MECOM: variants seen among roughly 807,000 people sequenced by gnomAD.
The protein encoded by MECOM is MDS1 and EVI1 complex locus.
In MECOM, 13 loss-of-function variants were observed where a neutral mutation model predicts 116.3. The observed-to-expected ratio is 0.11, with a 90% CI of 0.07 to 0.18. MECOM has a LOEUF of 0.18. Among genes scored for constraint, MECOM ranks in the 10% least tolerant of loss-of-function variants. MECOM has a pLI of 1.00. For missense variants in MECOM, 1,299 were observed against 1,509.0 expected (o/e 0.86, Z 2.31); for synonymous variants, 528 against 535.2 (o/e 0.99, Z 0.19).
chr3:169,556,153 C>A (rs1762005421), intron 1 of MECOM, among the ~76,000 whole-genome samples: 1 of 152,134 alleles, frequency 6.6e-6, no homozygotes, highest in African/African-American at 2.4e-5. Context: ...TAGTCTTTTC[C>A]CCTTGTAACT....
chr3:169,409,093 G>A (rs529619951), intron 1 of MECOM, among the ~76,000 whole-genome samples: 37 of 152,240 alleles, frequency 2.4e-4, no homozygotes, highest in Non-Finnish European at 4.1e-4. Context: ...CCATAGCTCT[G>A]CAACAGTGAG....
At chr3:169,398,072 T>A (rs1289362470) in intron 1 of MECOM, among the ~76,000 whole-genome samples, 1 of 152,216 alleles carries the variant, frequency 6.6e-6, no homozygotes, top group Non-Finnish European at 1.5e-5. Context: ...TGAGCTTTGA[T>A]AAATGATATT....
intron 1 of MECOM, among the ~76,000 whole-genome samples, chr3:169,391,784 A>G (rs747524827): frequency 3.3e-5 from 5 of 152,138 alleles, no homozygotes; most frequent in African/African-American, 1.2e-4. Flanking sequence ...CAAACTATGT[A>G]TGGTCTCTGG....
At chr3:169,290,331 T>A (rs909465602) in intron 2 of MECOM, among the ~76,000 whole-genome samples, 4 of 152,320 alleles carry the variant, frequency 2.6e-5, no homozygotes, top group African/African-American at 2.4e-5. Context: ...AATCATTTTT[T>A]AAAAAGTCAA....
chr3:169,631,457 T>A (rs957520161), intron 1 of MECOM, among the ~76,000 whole-genome samples: 1 of 152,194 alleles, frequency 6.6e-6, no homozygotes, highest in African/African-American at 2.4e-5. Context: ...AAATTTTTTT[T>A]ATTTTACTTT....
intron 2 of MECOM, among the ~76,000 whole-genome samples, chr3:169,336,635 C>T (rs890656898): frequency 6.6e-5 from 10 of 151,912 alleles, no homozygotes; most frequent in African/African-American, 1.5e-4. Context: ...CAGCCATTTC[C>T]GTTTATTGCT....
chr3:169,180,998 T>C (rs1162987929), intron 2 of MECOM, among the ~76,000 whole-genome samples: 1 of 151,974 alleles, frequency 6.6e-6, no homozygotes, highest in Non-Finnish European at 1.5e-5. Context: ...TGCTGTAACT[T>C]TGCTGAGCTC....
intron 14 of MECOM, among the ~76,000 whole-genome samples, chr3:169,091,108 A>G (rs1045568473): frequency 6.6e-6 from 1 of 152,116 alleles, no homozygotes; most frequent in African/African-American, 2.4e-5. Context: ...AATGGTGAAA[A>G]CATCTTTTGC....
At chr3:169,385,095 C>A (rs1172718121) in intron 1 of MECOM, among the ~76,000 whole-genome samples, 1 of 143,126 alleles carries the variant, frequency 7.0e-6, no homozygotes, top group Non-Finnish European at 1.5e-5. Context: ...CAGAGTAAGA[C>A]CCTGTCTCAA....
At chr3:169,465,033 T>G (rs1439328736) in intron 1 of MECOM, among the ~76,000 whole-genome samples, 1 of 152,170 alleles carries the variant, frequency 6.6e-6, no homozygotes, top group African/African-American at 2.4e-5. Context: ...TTAAAAATCT[T>G]ACAATGAATA....
chr3:169,251,414 G>T (rs978050016), intron 2 of MECOM, among the ~76,000 whole-genome samples: 7 of 152,112 alleles, frequency 4.6e-5, no homozygotes, highest in Admixed American at 2.0e-4. Context: ...TTGCTAGGGG[G>T]TTTATCAAAT....
At chr3:169,360,474 CAGA>C (rs1473944159) in intron 2 of MECOM, among the ~76,000 whole-genome samples, 1 of 151,500 alleles carries the variant, frequency 6.6e-6, no homozygotes, top group Non-Finnish European at 1.5e-5. Flanking sequence ...AATTTCTGCC[CAGA>C]AAGTCCCAGG....
intron 2 of MECOM, among the ~76,000 whole-genome samples, chr3:169,343,053 G>T (rs1724804001): frequency 6.6e-6 from 1 of 152,122 alleles, no homozygotes. Context: ...TTAACAGAGG[G>T]AAACGGGTAT....
At chr3:169,504,213 A>G (rs1754926472) in intron 1 of MECOM, among the ~76,000 whole-genome samples, 1 of 142,982 alleles carries the variant, frequency 7.0e-6, no homozygotes, top group Non-Finnish European at 1.5e-5. Flanking sequence ...TGGCTGCACA[A>G]CCTAATGGAG....
At chr3:169,439,176 A>C (rs967591882) in intron 1 of MECOM, among the ~76,000 whole-genome samples, 58 of 146,958 alleles carry the variant, frequency 3.9e-4, no homozygotes, top group African/African-American at 1.3e-3. Context: ...AGTATCCAGA[A>C]TATATTAGTA....
intron 2 of MECOM, among the ~76,000 whole-genome samples, chr3:169,365,020 C>G (rs761057207): frequency 2.0e-5 from 3 of 151,918 alleles, no homozygotes; most frequent in Non-Finnish European, 4.4e-5. Flanking sequence ...AATGATAATT[C>G]TTTTTCTTCT....
At chr3:169,431,683 C>A (rs1373818524) in intron 1 of MECOM, among the ~76,000 whole-genome samples, 1 of 152,166 alleles carries the variant, frequency 6.6e-6, no homozygotes, top group Non-Finnish European at 1.5e-5. Context: ...GACTGGTCTG[C>A]CACAAATCCT....
chr3:169,494,792 G>C (rs1018666420), intron 1 of MECOM, among the ~76,000 whole-genome samples: 2 of 152,208 alleles, frequency 1.3e-5, no homozygotes, highest in African/African-American at 4.8e-5. Flanking sequence ...TTCCAACTGA[G>C]AGTCACTGCC....
intron 2 of MECOM, among the ~76,000 whole-genome samples, chr3:169,295,242 A>G (rs1014725660): frequency 6.6e-6 from 1 of 152,172 alleles, no homozygotes; most frequent in African/African-American, 2.4e-5. Flanking sequence ...GATATTGTTT[A>G]AAGAAAGATT....
Sources: allele counts gnomAD v4.1 joint callset (sites outside exome capture counted in the v4.1 genomes callset), GRCh38; gene constraint gnomAD v4.1.1; transcripts MANE v1.5; gene names NCBI Gene and HGNC (gene_info 2026-07-23, HGNC 2026-07-21).